PADI1: variants seen among roughly 807,000 people sequenced by gnomAD.
PADI1 encodes the protein protein-arginine deiminase type-1.
Under a neutral mutation model 74.8 loss-of-function variants are expected in PADI1, and 65 were observed. The observed-to-expected ratio is 0.87, with a 90% confidence interval of 0.71 to 1.07. The LOEUF (loss-of-function observed/expected upper bound fraction) is 1.07, where lower values mean the gene tolerates loss of function less well. PADI1 is among the 50% of genes least tolerant of loss of function. The pLI is 0.00. For missense variants in PADI1, 943 were observed against 854.0 expected, an observed-to-expected ratio of 1.10 and a Z score of -1.30; for synonymous variants, 371 against 336.2, an observed-to-expected ratio of 1.10 and a Z score of -1.13.
chr1:17,225,521 C>T (rs946779561), intron 4 of PADI1, among the ~76,000 whole-genome samples: 3 of 152,018 alleles, frequency 2.0e-5, no homozygotes, highest in African/African-American at 7.3e-5. Context: ...GCTTAGCCAG[C>T]TTTTGAGGGC....
At chr1:17,227,834 A>G (rs1010160436) in intron 6 of PADI1, among the ~76,000 whole-genome samples, 2 of 152,224 alleles carry the variant, frequency 1.3e-5, no homozygotes, top group African/African-American at 2.4e-5. Context: ...GTGAATGGAT[A>G]GCCTCTCTTG....
At chr1:17,223,308 C>T (rs1413566836) in intron 2 of PADI1, among the ~76,000 whole-genome samples, 5 of 152,144 alleles carry the variant, frequency 3.3e-5, no homozygotes, top group South Asian at 2.1e-4. Flanking sequence ...TCGATGGAGC[C>T]GGCTGCTCCT....
At chr1:17,210,339 C>T (rs1426811275) in intron 1 of PADI1, among the ~76,000 whole-genome samples, 3 of 151,914 alleles carry the variant, frequency 2.0e-5, no homozygotes, top group African/African-American at 7.3e-5. Flanking sequence ...TTCCATTTTA[C>T]CTTGAGGAAT....
chr1:17,223,815 C>A, intron 3 of PADI1, 122 bp downstream of exon 3: 1 of 778,388 alleles, frequency 1.3e-6, no homozygotes, highest in Non-Finnish European at 2.2e-6. Flanking sequence ...CACTGAGGGG[C>A]TTGGATTCCT....
chr1:17,230,720 C>A lies in PADI1; in HGVS notation c.1161+41C>A, dbSNP rs1385273083. Reference sequence around the variant, plus strand: ...TAGAGTGCAGAAACCCTGGTTGGGTCCTCCTGGAGGCGCACCAGTGAAGTC... The same window carrying A: ...TAGAGTGCAGAAACCCTGGTTGGGTACTCCTGGAGGCGCACCAGTGAAGTC... On this transcript the variant is annotated intron_variant, in intron 10 of 15. Coordinates refer to ENST00000375471, the MANE Select transcript of PADI1 (RefSeq NM_013358.3). 10 of 1,196,236 alleles carry A rather than the reference C, an allele frequency of 8.4e-6. No homozygotes were observed. The South Asian group carries it at 1.0e-4, about 12-fold the overall frequency. 74.1% of individuals were successfully genotyped at this position (1,196,236 alleles called of 1,614,324 possible). A position where few individuals can be genotyped will look rare whatever the true frequency, so the allele number is the denominator to read the frequency against.
At chr1:17,215,396 GTCA>G (rs1341282249) in intron 1 of PADI1, among the ~76,000 whole-genome samples, 3 of 135,452 alleles carry the variant, frequency 2.2e-5, no homozygotes, top group Non-Finnish European at 3.2e-5. Context: ...CATCATCATC[GTCA>G]TCATCATCAT....
At position 17,205,309 on chromosome 1, in the gene PADI1, G is replaced by T. The variant is rs781576852; in HGVS notation, c.92G>T (p.Ser31Ile). 4 of 1,612,906 alleles carry T rather than the reference G, an allele frequency of 2.5e-6. No homozygotes were observed. The highest frequency in any genetic ancestry group is 1.7e-5 in the Admixed American group (1 of 59,984). The change falls in exon 1 of 16, where the codon AGT becomes ATT. Residue 31 changes from serine (S) to isoleucine (I), a missense_variant and splice_region_variant. Coordinates refer to ENST00000375471, the MANE Select transcript of PADI1 (RefSeq NM_013358.3). Reference sequence around the variant, plus strand: ...GTCGAGGCACATGTGGACATTCACAGGTAAGAGCTGGGAGGCGCTCTCCTG... The same window carrying T: ...GTCGAGGCACATGTGGACATTCACATGTAAGAGCTGGGAGGCGCTCTCCTG... Reference protein sequence around the residue: ...VGVEAHVDIHSDVPKGANSFR... With the variant: ...VGVEAHVDIHIDVPKGANSFR...
chr1:17,230,140 A>G lies in PADI1; in HGVS notation c.985A>G (p.Thr329Ala), dbSNP rs1482009553. 2 of 1,614,074 alleles carry G rather than the reference A, an allele frequency of 1.2e-6. No individual in the cohort carries two copies. Among genetic ancestry groups the G allele is most frequent in the Non-Finnish European group, 1.7e-6 (2 of 1,179,922 alleles). ...EKFLEDMSYL[T>A]LKANCKLTIC... Reference sequence around the variant, plus strand: ...ATTCCTGGAGGACATGTCTTATCTGACATTGAAAGCCAACTGCAAGCTGAC... The same window carrying G: ...ATTCCTGGAGGACATGTCTTATCTGGCATTGAAAGCCAACTGCAAGCTGAC... Residue 329 changes from threonine (T) to alanine (A), a missense_variant, in exon 9 of 16, where the codon ACA becomes GCA. Coordinates refer to ENST00000375471, the MANE Select transcript of PADI1 (RefSeq NM_013358.3).
chr1:17,213,283 C>T (rs2071882539), intron 1 of PADI1, among the ~76,000 whole-genome samples: 2 of 150,536 alleles, frequency 1.3e-5, no homozygotes, highest in South Asian at 4.2e-4. Context: ...GCATTGCCCT[C>T]CTATGCAAGT....
At chr1:17,230,386 G>A (rs961226547) in intron 9 of PADI1, among the ~76,000 whole-genome samples, 178 bp downstream of exon 9, 1 of 152,156 alleles carries the variant, frequency 6.6e-6, no homozygotes, top group African/African-American at 2.4e-5. Flanking sequence ...CCCTCCAAAC[G>A]CTCTGGTCCC....
Position 17,232,925 on chromosome 1 carries a change from C to A in PADI1, c.1268C>A (p.Thr423Lys), listed in dbSNP as rs376765489. 6.2e-7 allele frequency: 1 copy of A among 1,612,178 alleles called. No individual in the cohort carries two copies. Among genetic ancestry groups the A allele is most frequent in the South Asian group, 1.1e-5 (1 of 90,734 alleles). ...AGCCCGCCCGTCACGGTGGGCGGCA[C>A]GGAATACCCCCTGGGCCGGATCCTC... ...DVSPPVTVGG[T>K]EYPLGRILIG... is the part of the protein sequence containing the mutation. Residue 423 changes from threonine to lysine, a missense_variant, in exon 11 of 16, where the codon ACG becomes AAG. Transcript: ENST00000375471.
chr1:17,237,463 GTCC>G lies in PADI1; in HGVS notation c.1458+6_1458+8del. ...GTGCCTACCTCTGACCAAAAGGTGC[GTCC>G]CCTCCTTCCCTGCCTGAGCCACCTC... On this transcript the variant is annotated splice_donor_region_variant and intron_variant, in intron 12 of 15. Coordinates refer to ENST00000375471, the MANE Select transcript of PADI1 (RefSeq NM_013358.3). 2 of 1,604,558 alleles carry G rather than the reference GTCC, an allele frequency of 1.2e-6. No individual in the cohort carries two copies. Among genetic ancestry groups the G allele is most frequent in the Non-Finnish European group, 1.7e-6 (2 of 1,175,068 alleles).
Position 17,224,442 on chromosome 1 carries a change from G to A in PADI1, c.408+14G>A, listed in dbSNP as rs375689158. 1.4e-4 allele frequency: 221 copies of A among 1,609,022 alleles called. No homozygotes were observed. Among genetic ancestry groups the A allele is most frequent in the Non-Finnish European group, 1.8e-4 (208 of 1,176,666 alleles). ...CAAGGGGACAAGGTGAGACCCTTCC[G>A]GGCACCCCAAGGCTGCGGGGTTGAA... On this transcript the variant is annotated intron_variant, in intron 4 of 15. Coordinates refer to ENST00000375471, the MANE Select transcript of PADI1 (RefSeq NM_013358.3).
chr1:17,205,619 C>G (rs977627584), intron 1 of PADI1, among the ~76,000 whole-genome samples: 10 of 152,064 alleles, frequency 6.6e-5, no homozygotes, highest in Non-Finnish European at 1.3e-4. Context: ...ATTCTGACAC[C>G]TAGGTAGAAC....
At position 17,205,326 on chromosome 1, in the gene PADI1, G is replaced by T. The variant is rs375497673; in HGVS notation, c.92+17G>T. On this transcript the variant is annotated intron_variant, in intron 1 of 15. Transcript: ENST00000375471. ...CATTCACAGGTAAGAGCTGGGAGGC[G>T]CTCTCCTGGCTGCAGAGAGCTGGGT... is the stretch of plus-strand genomic sequence containing the variant. The T allele has an allele frequency of 1.3e-6, 2 of 1,594,432 alleles. No homozygotes were observed. The highest frequency in any genetic ancestry group is 1.7e-6 in the Non-Finnish European group (2 of 1,162,412).
chr1:17,205,494 G>A (rs2071659965), intron 1 of PADI1, among the ~76,000 whole-genome samples, 185 bp downstream of exon 1: 1 of 152,094 alleles, frequency 6.6e-6, no homozygotes, highest in Non-Finnish European at 1.5e-5. Flanking sequence ...CCTCCTTGGG[G>A]CCCCAGCTCC....
At chr1:17,230,532 GAA>G in intron 9 of PADI1, 38 bp from the exon 10 acceptor site, 1 of 1,446,990 alleles carries the variant, frequency 6.9e-7, no homozygotes, top group Non-Finnish European at 9.6e-7. Flanking sequence ...TAAACCACCC[GAA>G]AAAGGTCACT....
intron 1 of PADI1, among the ~76,000 whole-genome samples, chr1:17,205,808 C>G (rs1250948649): frequency 6.6e-6 from 1 of 152,034 alleles, no homozygotes; most frequent in African/African-American, 2.4e-5. Context: ...AGGAAATACT[C>G]GATGAATTAA....
chr1:17,236,527 G>C (rs1389642554), intron 11 of PADI1, among the ~76,000 whole-genome samples: 6 of 152,178 alleles, frequency 3.9e-5, no homozygotes, highest in Admixed American at 3.3e-4. Context: ...GGCCGAGGTG[G>C]GGGGGTCGCT....
Sources: allele counts gnomAD v4.1 joint callset (sites outside exome capture counted in the v4.1 genomes callset), GRCh38; gene constraint gnomAD v4.1.1; transcripts MANE v1.5; gene names NCBI Gene and HGNC (gene_info 2026-07-23, HGNC 2026-07-21).